KLHL32: variants seen among roughly 807,000 people sequenced by gnomAD.
The protein encoded by KLHL32 is kelch like family member 32.
A neutral mutation model predicts 64.8 loss-of-function variants in KLHL32; 35 were observed. The observed-to-expected ratio is 0.54, with a 90% CI of 0.41 to 0.72. The LOEUF is 0.72. Ranked by LOEUF, KLHL32 falls within the 30% of genes least tolerant of loss-of-function variation. The probability of loss-of-function intolerance (pLI) is 0.00; values close to 1 mark genes in which losing one functional copy is unlikely to be tolerated. For missense variants in KLHL32, 589 were observed against 768.5 expected, an observed-to-expected ratio of 0.77 and a Z score of 2.76; for synonymous variants, 259 against 281.0, an observed-to-expected ratio of 0.92 and a Z score of 0.78.
At chr6:97,079,845 C>T (rs1262018796) in intron 5 of KLHL32, among the ~76,000 whole-genome samples, 1 of 151,788 alleles carries the variant, frequency 6.6e-6, no homozygotes, top group African/African-American at 2.4e-5. Flanking sequence ...AGCAGTGTGA[C>T]AGAAATGAAA....
At chr6:97,082,395 T>C (rs557569035) in intron 5 of KLHL32, among the ~76,000 whole-genome samples, 3 of 152,086 alleles carry the variant, frequency 2.0e-5, no homozygotes, top group African/African-American at 2.4e-5. Context: ...GGGCGGATCA[T>C]GAGGTGAGGA....
intron 4 of KLHL32, among the ~76,000 whole-genome samples, chr6:97,043,129 T>C (rs1785380629): frequency 1.3e-5 from 2 of 152,212 alleles, no homozygotes; most frequent in African/African-American, 4.8e-5. Flanking sequence ...GTTTCTTGTT[T>C]AGCCTGCAGA....
intron 7 of KLHL32, among the ~76,000 whole-genome samples, chr6:97,122,576 AATGG>A (rs1798475078): frequency 6.6e-6 from 1 of 152,128 alleles, no homozygotes; most frequent in Non-Finnish European, 1.5e-5. Context: ...ACTTGCACTT[AATGG>A]CAGGTTGTTC....
At chr6:96,913,126 T>G in the KLHL32 span, among the ~76,000 whole-genome samples, 1 of 152,254 alleles carries the variant, frequency 6.6e-6, no homozygotes, top group African/African-American at 2.4e-5. Flanking sequence ...TGTATAATCT[T>G]GCTAAGATTA....
chr6:97,049,565 G>A (rs1398804592), intron 4 of KLHL32, among the ~76,000 whole-genome samples: 2 of 141,114 alleles, frequency 1.4e-5, no homozygotes, highest in Middle Eastern at 3.7e-3. Flanking sequence ...ACCGTAGAAA[G>A]CGAAACCGTC....
At chr6:96,918,059 G>A in the KLHL32 span, among the ~76,000 whole-genome samples, 4 of 152,142 alleles carry the variant, frequency 2.6e-5, no homozygotes, top group Non-Finnish European at 5.9e-5. Flanking sequence ...TGTCCCCTGA[G>A]GGACAAAATC....
intron 3 of KLHL32, among the ~76,000 whole-genome samples, chr6:97,038,105 A>T (rs1766464): frequency 0.18 from 27,341 of 152,140 alleles, 2,933 homozygotes; most frequent in African/African-American, 0.31. Flanking sequence ...AGGACATTGG[A>T]CTGGGCAAAG....
In KLHL32 at chr6:97,049,876, C is replaced by T. The variant is rs548266315; in HGVS notation, c.312+8277C>T. Among the ~76,000 whole-genome samples the T allele has an allele frequency of 5.3e-5, 8 of 152,294 alleles. No homozygotes were observed. The East Asian group carries it at 9.6e-4, about 18-fold the overall frequency. ...CAGTGAAGTCATAAAATATGAACAG[C>T]TTTGTTGGTCCCAAGACCTGTCTCT... On this transcript the variant is annotated intron_variant, in intron 4 of 10. Transcript: ENST00000369261.
chr6:97,024,992 A>G, intron 3 of KLHL32: 16 of 985,024 alleles, frequency 1.6e-5, no homozygotes, highest in Non-Finnish European at 1.9e-5. Context: ...ATTTGATCTC[A>G]GGTATACGGT....
chr6:97,081,238 CAGG>C (rs1792462625), intron 5 of KLHL32, among the ~76,000 whole-genome samples: 2 of 152,084 alleles, frequency 1.3e-5, no homozygotes, highest in Admixed American at 6.6e-5. Context: ...GCAGGGTTAG[CAGG>C]CTTATGATTG....
intron 1 of KLHL32, among the ~76,000 whole-genome samples, chr6:96,965,917 A>T (rs1043393870): frequency 3.3e-5 from 5 of 152,252 alleles, no homozygotes; most frequent in Non-Finnish European, 7.3e-5. Context: ...AAATGTTCAA[A>T]GCAACTCAAC....
the KLHL32 span, among the ~76,000 whole-genome samples, chr6:96,912,894 T>G: frequency 6.6e-6 from 1 of 152,214 alleles, no homozygotes; most frequent in African/African-American, 2.4e-5. Context: ...TATTCCCTTC[T>G]CACCAAGGTA....
chr6:97,074,787 C>G (rs1022620755), intron 5 of KLHL32, among the ~76,000 whole-genome samples: 1 of 151,556 alleles, frequency 6.6e-6, no homozygotes, highest in Non-Finnish European at 1.5e-5. Context: ...TTTTGCCTAT[C>G]CTGGTTCAAA....
rs1800559491 is a variant in KLHL32, at chr6:97,140,433, A to G, written c.*1151A>G. The G allele has an allele frequency of 6.6e-6, 1 of 152,064 alleles. No individual in the cohort carries two copies. Among genetic ancestry groups the G allele is most frequent in the Admixed American group, 6.5e-5 (1 of 15,270 alleles). The allele number at this position is 152,064 out of a possible 1,614,324, so 9.4% of individuals were successfully genotyped here. A position where few individuals can be genotyped will look rare whatever the true frequency, so the allele number is the denominator to read the frequency against. On this transcript the variant is annotated 3_prime_UTR_variant, in exon 11 of 11. Transcript: ENST00000369261. Reference sequence around the variant, plus strand: ...TTGTGGAATTCTTCACCACCAATACATATTTTATTACTATCTCTTTTAATA... The same window carrying G: ...TTGTGGAATTCTTCACCACCAATACGTATTTTATTACTATCTCTTTTAATA...
intron 3 of KLHL32, chr6:96,999,620 G>T: frequency 1.7e-6 from 1 of 600,862 alleles, no homozygotes; most frequent in Non-Finnish European, 2.1e-6. Context: ...ATTTTTCTCT[G>T]TGAAGCTATA....
intron 7 of KLHL32, among the ~76,000 whole-genome samples, chr6:97,123,271 T>C: frequency 6.6e-6 from 1 of 152,214 alleles, no homozygotes; most frequent in Non-Finnish European, 1.5e-5. Flanking sequence ...GTCAGTGATC[T>C]CAGTAGCAGA....
intron 6 of KLHL32, 88 bp downstream of exon 6, chr6:97,085,429 T>A: frequency 8.8e-7 from 1 of 1,136,888 alleles, no homozygotes; most frequent in Non-Finnish European, 1.3e-6. Context: ...TACCACTATT[T>A]TAGTGGCTTT....
At chr6:97,082,406 A>G (rs563991787) in intron 5 of KLHL32, among the ~76,000 whole-genome samples, 17 of 151,934 alleles carry the variant, frequency 1.1e-4, no homozygotes, top group South Asian at 2.1e-4. Flanking sequence ...GAGGTGAGGA[A>G]ATCAAGACCA....
the KLHL32 span, among the ~76,000 whole-genome samples, chr6:96,917,106 C>T: frequency 9.2e-5 from 14 of 152,180 alleles, no homozygotes; most frequent in Non-Finnish European, 1.0e-4. Flanking sequence ...ATTTTGAAGA[C>T]GGGCATATTA....
Sources: gnomAD v4.1 joint callset for allele counts (sites outside exome capture counted in the v4.1 genomes callset) on GRCh38, gnomAD v4.1.1 for gene constraint, MANE v1.5 for transcripts, NCBI Gene and HGNC (gene_info 2026-07-23, HGNC 2026-07-21) for gene names.